The following CSMD2 variants were observed in gnomAD, a reference collection of about 807,000 sequenced individuals.
CSMD2 encodes the protein CUB and Sushi multiple domains 2, also known as CUB and sushi domain-containing protein 2.
Under a neutral mutation model 398.5 loss-of-function variants are expected in CSMD2, and 130 were observed. That is an observed-to-expected ratio of 0.33 (90% confidence interval 0.28 to 0.38). The LOEUF is 0.38. Ranked by LOEUF, CSMD2 falls within the 10% of genes least tolerant of loss-of-function variation. The pLI, the probability that CSMD2 is intolerant of heterozygous loss-of-function variation, is 1.00. For missense variants in CSMD2, 3,829 were observed against 4,764.9 expected, an observed-to-expected ratio of 0.80 and a Z score of 5.78; for synonymous variants, 1,828 against 1,908.5, an observed-to-expected ratio of 0.96 and a Z score of 1.10.
chr1:33,520,431 A>G (rs1463726569), intron 68 of CSMD2, among the ~76,000 whole-genome samples: 4 of 152,068 alleles, frequency 2.6e-5, no homozygotes, highest in Admixed American at 2.6e-4. Flanking sequence ...AAGGCTCAGA[A>G]GAACACAAGT....
chr1:33,759,236 G>A (rs1012321991), intron 13 of CSMD2, among the ~76,000 whole-genome samples: 20 of 151,464 alleles, frequency 1.3e-4, no homozygotes, highest in African/African-American at 4.6e-4. Flanking sequence ...GTAGGCAAGA[G>A]TTTTGATGGA....
At chr1:33,864,594 A>G in intron 5 of CSMD2, 5 of 1,614,070 alleles carry the variant, frequency 3.1e-6, no homozygotes, top group Non-Finnish European at 4.2e-6. Context: ...GTCAACAGCG[A>G]CAGACCTGGA....
chr1:34,009,190 C>G (rs990206254), intron 3 of CSMD2, among the ~76,000 whole-genome samples: 20 of 152,066 alleles, frequency 1.3e-4, no homozygotes, highest in African/African-American at 4.6e-4. Context: ...TTAAACTCAC[C>G]CTTGTCTCTC....
chr1:34,002,539 T>G (rs1039758740), intron 3 of CSMD2, among the ~76,000 whole-genome samples: 5 of 152,168 alleles, frequency 3.3e-5, no homozygotes, highest in Admixed American at 1.3e-4. Flanking sequence ...AAAATTATTA[T>G]GAGGGGTTGG....
At chr1:33,643,644 A>G (rs938780632) in intron 29 of CSMD2, among the ~76,000 whole-genome samples, 6 of 152,212 alleles carry the variant, frequency 3.9e-5, no homozygotes, top group African/African-American at 1.2e-4. Context: ...GTTTCAGGGC[A>G]TACAGTTATG....
intron 53 of CSMD2, among the ~76,000 whole-genome samples, chr1:33,565,361 G>T (rs2148673297): frequency 6.6e-6 from 1 of 152,188 alleles, no homozygotes; most frequent in South Asian, 2.1e-4. Flanking sequence ...AAGCAATGAT[G>T]GGAAAACCTG....
chr1:33,540,804 G>A (rs551266395), intron 59 of CSMD2, 106 bp from the exon 60 acceptor site: 1 of 1,313,994 alleles, frequency 7.6e-7, no homozygotes, highest in Admixed American at 2.1e-5. Context: ...TAGAGCCTGG[G>A]CTAAACAGGA....
chr1:33,572,435 T>G, intron 50 of CSMD2, 71 bp downstream of exon 50: 3 of 1,324,300 alleles, frequency 2.3e-6, no homozygotes, highest in Non-Finnish European at 3.0e-6. Flanking sequence ...TTTAGCTCAC[T>G]CCTTGCAGGA....
chr1:34,014,022 C>T (rs546621415), intron 3 of CSMD2, among the ~76,000 whole-genome samples: 6 of 152,318 alleles, frequency 3.9e-5, no homozygotes, highest in East Asian at 1.9e-4. Flanking sequence ...CCATACTGCC[C>T]GTTGATCCCC....
chr1:33,895,587 G>A (rs1264539328), intron 5 of CSMD2, among the ~76,000 whole-genome samples: 3 of 152,154 alleles, frequency 2.0e-5, no homozygotes, highest in Non-Finnish European at 4.4e-5. Context: ...GGGGAAGCGC[G>A]GCTTGAGGCA....
chr1:34,159,468 G>A (rs1423089913), intron 1 of CSMD2, among the ~76,000 whole-genome samples: 1 of 152,114 alleles, frequency 6.6e-6, no homozygotes, highest in Non-Finnish European at 1.5e-5. Context: ...GGCCAAAGAA[G>A]GCAGCCTGGG....
chr1:33,683,058 T>G (rs978660153), intron 25 of CSMD2, among the ~76,000 whole-genome samples: 7 of 152,244 alleles, frequency 4.6e-5, no homozygotes, highest in South Asian at 2.1e-4. Flanking sequence ...CTTCCATGTT[T>G]GTCTACTTTT....
At chr1:33,567,083 G>C (rs1659115116) in intron 53 of CSMD2, among the ~76,000 whole-genome samples, 1 of 151,482 alleles carries the variant, frequency 6.6e-6, no homozygotes, top group South Asian at 2.1e-4. Flanking sequence ...AATAAAATTA[G>C]AAATGAATAA....
rs190906505 is a variant in CSMD2, at chr1:34,121,747, C to T, written c.188-32554G>A. Among the ~76,000 whole-genome samples, 468 of 152,076 alleles carry T rather than the reference C, an allele frequency of 3.1e-3. 3 individuals carry two copies. The highest frequency in any genetic ancestry group is 6.8e-3 in the Middle Eastern group (2 of 294). ...AGTGGGACCCTGGCTATGGTATGGC[C>T]GAGGTTGAGAACCAGCACTCCAGGG... On this transcript the variant is annotated intron_variant, in intron 1 of 70. Transcript: ENST00000373381.
chr1:33,992,885 A>C (rs996269131), intron 3 of CSMD2, among the ~76,000 whole-genome samples: 1 of 151,710 alleles, frequency 6.6e-6, no homozygotes, highest in African/African-American at 2.4e-5. Flanking sequence ...TCAAAAAAAA[A>C]AAAAAAAAAG....
At chr1:33,616,229 T>C (rs1172331117) in intron 39 of CSMD2, among the ~76,000 whole-genome samples, 1 of 152,084 alleles carries the variant, frequency 6.6e-6, no homozygotes, top group South Asian at 2.1e-4. Context: ...TTTCTTTTCC[T>C]TTTTTCTTGT....
intron 14 of CSMD2, among the ~76,000 whole-genome samples, chr1:33,741,332 A>G (rs512332): frequency 0.91 from 138,299 of 152,034 alleles, 63,125 homozygotes; most frequent in East Asian, 1. Context: ...GGAGATTAAA[A>G]TCCTATGGGA....
intron 26 of CSMD2, among the ~76,000 whole-genome samples, chr1:33,662,297 A>G (rs1386149567): frequency 1.3e-5 from 2 of 152,124 alleles, no homozygotes; most frequent in Admixed American, 6.5e-5. Context: ...CCATCAGCTT[A>G]TTCATAACCA....
At chr1:34,060,655 T>C (rs1179053249) in intron 2 of CSMD2, among the ~76,000 whole-genome samples, 2 of 151,926 alleles carry the variant, frequency 1.3e-5, no homozygotes, top group African/African-American at 4.8e-5. Context: ...TGTTTCCTTT[T>C]TTTTTTTTTT....
Sources: gnomAD v4.1 joint callset for allele counts (sites outside exome capture counted in the v4.1 genomes callset) on GRCh38, gnomAD v4.1.1 for gene constraint, MANE v1.5 for transcripts, NCBI Gene and HGNC (gene_info 2026-07-23, HGNC 2026-07-21) for gene names.